The following GALNT2 variants were observed in gnomAD, a reference collection of about 807,000 sequenced individuals.
GALNT2 encodes UDP-GalNAc:polypeptide N-acetylgalactosaminyltransferase 2.
A neutral mutation model predicts 81.4 loss-of-function variants in GALNT2; 31 were observed. The ratio of observed to expected loss-of-function variants is 0.38; its 90% CI spans 0.29 to 0.51. GALNT2 has a LOEUF of 0.51. Among genes scored for constraint, GALNT2 ranks in the 20% least tolerant of loss-of-function variants. GALNT2 has a pLI of 0.87. For missense variants in GALNT2, 629 were observed against 765.7 expected (o/e 0.82, Z 2.11); for synonymous variants, 303 against 287.4 (o/e 1.05, Z -0.55).
chr1:230,212,623 G>A (rs1664267846), intron 3 of GALNT2, among the ~76,000 whole-genome samples: 2 of 152,084 alleles, frequency 1.3e-5, no homozygotes, highest in African/African-American at 4.8e-5. Context: ...TACGAGATGT[G>A]GGGAGTGGGA....
chr1:230,142,498 C>T (rs547298142), intron 1 of GALNT2, among the ~76,000 whole-genome samples: 2 of 152,290 alleles, frequency 1.3e-5, no homozygotes, highest in African/African-American at 2.4e-5. Flanking sequence ...CTCTGTGTGC[C>T]TCTGTTTCCT....
intron 1 of GALNT2, among the ~76,000 whole-genome samples, chr1:230,109,172 G>T (rs1338785946): frequency 6.6e-6 from 1 of 152,212 alleles, no homozygotes; most frequent in Non-Finnish European, 1.5e-5. Context: ...CCCTCTGATG[G>T]GGGTCTCCCT....
chr1:230,090,691 G>A (rs1221318755), intron 1 of GALNT2, among the ~76,000 whole-genome samples: 2 of 152,168 alleles, frequency 1.3e-5, no homozygotes, highest in East Asian at 1.9e-4. Flanking sequence ...TTTTCTGTGC[G>A]GTTGTGTATG....
chr1:230,242,741 C>T (rs192679875), intron 6 of GALNT2, among the ~76,000 whole-genome samples: 2 of 152,198 alleles, frequency 1.3e-5, no homozygotes, highest in Admixed American at 1.3e-4. Flanking sequence ...TGAACGTGCA[C>T]ATTATTAACA....
intron 3 of GALNT2, among the ~76,000 whole-genome samples, chr1:230,212,346 A>G (rs1238223266): frequency 6.6e-6 from 1 of 152,204 alleles, no homozygotes; most frequent in Non-Finnish European, 1.5e-5. Context: ...GGTAACTTGC[A>G]GCCAAACAAC....
chr1:230,249,594 T>C lies in GALNT2; in HGVS notation c.905+323T>C, dbSNP rs1665481552. Among the ~76,000 whole-genome samples, 7 of 152,204 alleles carry C rather than the reference T, an allele frequency of 4.6e-5. 1 individual carries two copies. In the South Asian group the frequency reaches 1.4e-3, roughly 31 times the overall value. On this transcript the variant is annotated intron_variant, in intron 9 of 15. Transcript: ENST00000366672. Reference sequence around the variant, plus strand: ...TGACCCCAGGCCCAGGAAAAGGGGCTTGGTGGGCAGCAGGAGGCTTACTGC... The same window carrying C: ...TGACCCCAGGCCCAGGAAAAGGGGCCTGGTGGGCAGCAGGAGGCTTACTGC...
At chr1:230,058,858 C>T (rs1445860957) in intron 1 of GALNT2, among the ~76,000 whole-genome samples, 1 of 152,138 alleles carries the variant, frequency 6.6e-6, no homozygotes, top group African/African-American at 2.4e-5. Context: ...TGTAGTACTT[C>T]AAAGTGTCCC....
intron 3 of GALNT2, among the ~76,000 whole-genome samples, chr1:230,208,104 T>A (rs1664122438): frequency 6.6e-6 from 1 of 152,238 alleles, no homozygotes; most frequent in South Asian, 2.1e-4. Flanking sequence ...AAATAAATTA[T>A]CAAGACTTAA....
Position 230,243,445 on chromosome 1 carries a change from G to T in GALNT2, c.729+18G>T. On this transcript the variant is annotated intron_variant, in intron 7 of 15. Coordinates refer to ENST00000366672, the MANE Select transcript of GALNT2 (RefSeq NM_004481.5). This position sits in a 1 kb window ranked among gnomAD's most constrained non-coding sequence, Gnocchi z 4.2. ...TGGCGGAGGTGAGATGACGGGGGCT[G>T]GGAGGGGTGTCAGGTCGTGGGTGGT... 1 of 1,608,576 alleles carries T rather than the reference G, an allele frequency of 6.2e-7. No individual in the cohort carries two copies.
intron 2 of GALNT2, among the ~76,000 whole-genome samples, chr1:230,200,623 G>A (rs1663862291): frequency 6.6e-6 from 1 of 152,198 alleles, no homozygotes; most frequent in African/African-American, 2.4e-5. Flanking sequence ...GAGATGTATG[G>A]GTGGAAATGG....
intron 3 of GALNT2, among the ~76,000 whole-genome samples, chr1:230,221,503 G>C (rs893655242): frequency 6.6e-6 from 1 of 152,178 alleles, no homozygotes; most frequent in Non-Finnish European, 1.5e-5. Context: ...GAAAGTGTCT[G>C]TGGCCAGCCA....
At chr1:230,191,893 G>A (rs888492976) in intron 2 of GALNT2, among the ~76,000 whole-genome samples, 3 of 152,236 alleles carry the variant, frequency 2.0e-5, no homozygotes, top group Non-Finnish European at 4.4e-5. Context: ...CTTTTGAAAC[G>A]GGGGGCTCCC....
chr1:230,092,564 G>C (rs1295291223), intron 1 of GALNT2, among the ~76,000 whole-genome samples: 2 of 151,848 alleles, frequency 1.3e-5, no homozygotes, highest in Admixed American at 1.3e-4. Context: ...GGCTGATCTC[G>C]AACTCCTGAC....
chr1:230,068,203 C>T (rs1357482808), intron 1 of GALNT2, among the ~76,000 whole-genome samples: 1 of 152,232 alleles, frequency 6.6e-6, no homozygotes, highest in East Asian at 1.9e-4. Context: ...GCCGAGTGAT[C>T]TGGCTGTGGG....
intron 10 of GALNT2, among the ~76,000 whole-genome samples, chr1:230,250,868 GAAACAGTCC>G (rs1665526386): frequency 6.6e-6 from 1 of 152,142 alleles, no homozygotes; most frequent in Admixed American, 6.5e-5. Context: ...AAAACAGAGG[GAAACAGTCC>G]AGGAGCTCAG....
intron 3 of GALNT2, among the ~76,000 whole-genome samples, chr1:230,207,435 A>G (rs935904776): frequency 6.6e-6 from 1 of 152,184 alleles, no homozygotes; most frequent in African/African-American, 2.4e-5. Context: ...ACTCTGGGCT[A>G]TGCTTTATTT....
Position 230,275,256 on chromosome 1 carries a change from A to G in GALNT2, c.1560+692A>G, listed in dbSNP as rs562922465. Among the ~76,000 whole-genome samples, 1 of 151,774 alleles carries G rather than the reference A, an allele frequency of 6.6e-6. No individual in the cohort carries two copies. Among genetic ancestry groups the G allele is most frequent in the East Asian group, 1.9e-4 (1 of 5,178 alleles). ...ATATGTAAACACCGCATATATACAT[A>G]TATACACACCACATGTATACGTATA... On this transcript the variant is annotated intron_variant, in intron 15 of 15. Transcript: ENST00000366672. This position sits in a 1 kb window ranked among gnomAD's most constrained non-coding sequence, Gnocchi z 5.5.
chr1:230,069,521 A>C (rs1659310785), intron 1 of GALNT2, among the ~76,000 whole-genome samples: 1 of 152,132 alleles, frequency 6.6e-6, no homozygotes. Flanking sequence ...AAGACTCATT[A>C]ACTTCGTGTG....
chr1:230,104,162 C>T (rs764390758), intron 1 of GALNT2, among the ~76,000 whole-genome samples: 1 of 152,166 alleles, frequency 6.6e-6, no homozygotes, highest in Non-Finnish European at 1.5e-5. Flanking sequence ...GCTGGCTCTG[C>T]AAGGGTCAGT....
Sources: gnomAD v4.1 joint callset for allele counts (sites outside exome capture counted in the v4.1 genomes callset) on GRCh38, gnomAD v4.1.1 for gene constraint, Gnocchi (gnomAD v3.1) non-coding constraint, MANE v1.5 for transcripts, NCBI Gene and HGNC (gene_info 2026-07-23, HGNC 2026-07-21) for gene names.